The following ARHGAP6 variants were observed in gnomAD, a reference collection of about 807,000 sequenced individuals.
ARHGAP6 encodes Rho GTPase activating protein 6, also known as rho GTPase-activating protein 6.
Under a neutral mutation model 55.7 loss-of-function variants are expected in ARHGAP6, and 16 were observed. The ratio of observed to expected loss-of-function variants is 0.29; its 90% CI spans 0.19 to 0.44. The LOEUF is 0.44. Among genes scored for constraint, ARHGAP6 ranks in the 20% least tolerant of loss-of-function variants. The pLI, the probability that ARHGAP6 is intolerant of heterozygous loss-of-function variation, is 1.00. For missense variants in ARHGAP6, 698 were observed against 808.9 expected, an observed-to-expected ratio of 0.86 and a Z score of 1.66; for synonymous variants, 382 against 360.9, an observed-to-expected ratio of 1.06 and a Z score of -0.66.
At position 11,294,614 on chromosome X, in the gene ARHGAP6, G is replaced by T. The variant is rs2048050021; in HGVS notation, c.589-39907C>A. Among the ~76,000 whole-genome samples, 3 of 112,111 alleles carry T rather than the reference G, an allele frequency of 2.7e-5. No individual in the cohort carries two copies. In the South Asian group the frequency reaches 1.1e-3, roughly 42 times the overall value. ...TGTGACTCCAGAAACAATGAAATAG[G>T]CTGAGAGCTGGAAATCACATATGAC... On this transcript the variant is annotated intron_variant, in intron 1 of 12. Transcript: ENST00000337414.
chrX:11,527,058 G>C (rs1185024486), intron 1 of ARHGAP6, among the ~76,000 whole-genome samples: 1 of 101,074 alleles, frequency 9.9e-6, no homozygotes, highest in Non-Finnish European at 2.0e-5. Context: ...GTGTGTGTGT[G>C]TCTTTTAGTC....
At chrX:11,427,821 G>A (rs1239074810) in intron 1 of ARHGAP6, 18 of 288,895 alleles carry the variant, frequency 6.2e-5, no homozygotes, top group Non-Finnish European at 6.4e-5. Context: ...GGGAAGAGGA[G>A]GAGGAGGAGG....
intron 1 of ARHGAP6, among the ~76,000 whole-genome samples, chrX:11,275,619 C>G (rs773653335): frequency 1.8e-5 from 2 of 111,767 alleles, no homozygotes; most frequent in East Asian, 2.8e-4. Flanking sequence ...TGTCCCTTCC[C>G]TTTTGAAAGC....
In ARHGAP6 at chrX:11,138,604, G is replaced by C. The variant is rs1300797877; in HGVS notation, c.*259C>G. 2.4e-6 allele frequency: 1 copy of C among 412,010 alleles called. No individual in the cohort carries two copies. The highest frequency in any genetic ancestry group is 4.2e-6 in the Non-Finnish European group (1 of 239,383). The allele number at this position is 412,010 out of a possible 1,213,427, so 34.0% of individuals were successfully genotyped here. On this transcript the variant is annotated 3_prime_UTR_variant, in exon 13 of 13. Transcript: ENST00000337414. ...GTTGTATCTTATATTATAGAGCCAAGAGGGACGTTTTTAGATTGGACATTG... is the reference window on the plus strand; with the variant it reads ...GTTGTATCTTATATTATAGAGCCAACAGGGACGTTTTTAGATTGGACATTG...
chrX:11,569,353 G>C (rs1297081847), intron 1 of ARHGAP6, among the ~76,000 whole-genome samples: 17 of 111,390 alleles, frequency 1.5e-4, no homozygotes, highest in African/African-American at 5.2e-4. Flanking sequence ...GGAATGGTAT[G>C]GATGCTAAAA....
chrX:11,548,982 T>C (rs1488554718), intron 1 of ARHGAP6, among the ~76,000 whole-genome samples: 2 of 112,370 alleles, frequency 1.8e-5, no homozygotes, highest in Non-Finnish European at 3.8e-5. Flanking sequence ...TTTATCACCA[T>C]ATACAAAAAT....
At chrX:11,225,097 G>C (rs1419349018) in intron 2 of ARHGAP6, among the ~76,000 whole-genome samples, 1 of 111,111 alleles carries the variant, frequency 9.0e-6, no homozygotes, top group East Asian at 2.8e-4. Context: ...TCTCACCCAT[G>C]GTTGCTCTTT....
intron 1 of ARHGAP6, among the ~76,000 whole-genome samples, chrX:11,420,136 A>G (rs1216983861): frequency 8.9e-6 from 1 of 111,915 alleles, no homozygotes; most frequent in African/African-American, 3.2e-5. Flanking sequence ...TATATTTTGT[A>G]TATGTTTCTT....
At chrX:11,494,903 A>G (rs1188696060) in intron 1 of ARHGAP6, among the ~76,000 whole-genome samples, 1 of 112,306 alleles carries the variant, frequency 8.9e-6, no homozygotes, top group East Asian at 2.8e-4. Flanking sequence ...GTTGGAAGTT[A>G]AGGAGCCAGT....
At chrX:11,374,269 T>C (rs2049175359) in intron 1 of ARHGAP6, among the ~76,000 whole-genome samples, 1 of 111,520 alleles carries the variant, frequency 9.0e-6, no homozygotes, top group African/African-American at 3.3e-5. Flanking sequence ...AGCCACAGTT[T>C]TGCTCGTAAA....
intron 1 of ARHGAP6, among the ~76,000 whole-genome samples, chrX:11,532,426 C>T (rs934545334): frequency 8.9e-6 from 1 of 112,234 alleles, no homozygotes; most frequent in Non-Finnish European, 1.9e-5. Flanking sequence ...AACCTATTCC[C>T]TCTCCACCCT....
At chrX:11,259,784 T>C (rs1365349617) in intron 1 of ARHGAP6, among the ~76,000 whole-genome samples, 1 of 111,355 alleles carries the variant, frequency 9.0e-6, no homozygotes, top group African/African-American at 3.3e-5. Flanking sequence ...TGCAAGCTTG[T>C]GAGTTGCCCC....
chrX:11,506,733 A>G (rs757768278), intron 1 of ARHGAP6, among the ~76,000 whole-genome samples: 1 of 111,727 alleles, frequency 9.0e-6, no homozygotes, highest in South Asian at 3.8e-4. Flanking sequence ...AGCATGATTT[A>G]TAATCCTTTG....
chrX:11,574,298 T>C (rs2051569005), intron 1 of ARHGAP6, among the ~76,000 whole-genome samples: 1 of 111,120 alleles, frequency 9.0e-6, no homozygotes, highest in Non-Finnish European at 1.9e-5. Context: ...ACAAATATCC[T>C]TGATGAACAT....
chrX:11,442,866 G>A (rs779797207), intron 1 of ARHGAP6, among the ~76,000 whole-genome samples: 1 of 112,088 alleles, frequency 8.9e-6, no homozygotes, highest in African/African-American at 3.2e-5. Context: ...TGTTTCATGA[G>A]GGACATGTCA....
chrX:11,251,683 G>C (rs1356877054), intron 2 of ARHGAP6, among the ~76,000 whole-genome samples: 3 of 111,693 alleles, frequency 2.7e-5, no homozygotes, highest in Non-Finnish European at 5.6e-5. Flanking sequence ...TTAGGTCCTG[G>C]CTACAGTATT....
intron 1 of ARHGAP6, among the ~76,000 whole-genome samples, chrX:11,616,543 G>A (rs2147159167): frequency 1.8e-5 from 2 of 111,209 alleles, no homozygotes; most frequent in South Asian, 3.8e-4. Flanking sequence ...GGCCAGGCTA[G>A]TTTCAAACTG....
At chrX:11,441,896 T>TA (rs747908927) in intron 1 of ARHGAP6, among the ~76,000 whole-genome samples, 12 of 108,044 alleles carry the variant, frequency 1.1e-4, no homozygotes, top group African/African-American at 3.4e-4. Flanking sequence ...GATGGTAACT[T>TA]AAAAAAAAAT....
chrX:11,358,712 C>T (rs2048970005), intron 1 of ARHGAP6, among the ~76,000 whole-genome samples: 2 of 110,814 alleles, frequency 1.8e-5, no homozygotes, highest in African/African-American at 6.6e-5. Context: ...GAACTCCCAA[C>T]TTCAGGTGAT....
Sources: allele counts gnomAD v4.1 joint callset (sites outside exome capture counted in the v4.1 genomes callset), GRCh38; gene constraint gnomAD v4.1.1; transcripts MANE v1.5; gene names NCBI Gene and HGNC (gene_info 2026-07-23, HGNC 2026-07-21).